Variants in ITCH observed in about 807,000 individuals in gnomAD.
The protein encoded by ITCH is itchy E3 ubiquitin protein ligase.
ITCH carries 28 observed loss-of-function variants against 126.8 expected under a neutral mutation model. The ratio of observed to expected loss-of-function variants is 0.22; its 90% CI spans 0.16 to 0.30. ITCH has a LOEUF of 0.30. ITCH is among the 10% of genes least tolerant of loss of function. ITCH has a pLI of 1.00. For synonymous variants in ITCH, 342 were observed against 340.0 expected (o/e 1.01, Z -0.06); for missense variants, 631 against 1,032.4 (o/e 0.61, Z 5.33).
At chr20:34,447,199 C>T (rs1190937228) in intron 11 of ITCH, among the ~76,000 whole-genome samples, 3 of 147,824 alleles carry the variant, frequency 2.0e-5, no homozygotes, top group African/African-American at 7.5e-5. Flanking sequence ...TTAAGTACAG[C>T]TTCTCCTTCA....
intron 2 of ITCH, among the ~76,000 whole-genome samples, chr20:34,385,699 C>T (rs140805786): frequency 6.6e-6 from 1 of 152,210 alleles, no homozygotes; most frequent in Non-Finnish European, 1.5e-5. Flanking sequence ...TGTTGAACCT[C>T]GAAAGTTGTA....
At chr20:34,391,553 A>C (rs1447362024) in intron 2 of ITCH, among the ~76,000 whole-genome samples, 1 of 152,212 alleles carries the variant, frequency 6.6e-6, no homozygotes. Flanking sequence ...ATGTGATTTA[A>C]TATATGAATA....
intron 2 of ITCH, among the ~76,000 whole-genome samples, chr20:34,390,273 A>G (rs1314063848): frequency 6.6e-6 from 1 of 152,102 alleles, no homozygotes; most frequent in Non-Finnish European, 1.5e-5. Flanking sequence ...GATTATCTAC[A>G]TTTATGGATG....
At chr20:34,481,031 G>C in intron 19 of ITCH, 35 bp from the exon 20 acceptor site, 4 of 1,605,014 alleles carry the variant, frequency 2.5e-6, no homozygotes, top group Non-Finnish European at 3.4e-6. Flanking sequence ...TTGAATTGGT[G>C]GATATAACAA....
intron 4 of ITCH, 61 bp from the exon 5 acceptor site, chr20:34,412,454 T>G: frequency 7.8e-7 from 1 of 1,274,360 alleles, no homozygotes; most frequent in Non-Finnish European, 1.1e-6. Context: ...TGTAATTTAT[T>G]TAGGATCTCA....
At chr20:34,444,450 A>T (rs1234365202) in intron 10 of ITCH, among the ~76,000 whole-genome samples, 1 of 152,022 alleles carries the variant, frequency 6.6e-6, no homozygotes, top group African/African-American at 2.4e-5. Context: ...AAGTGTGATG[A>T]CGCATGCCTG....
At chr20:34,402,697 T>A in intron 3 of ITCH, 1 of 486,530 alleles carries the variant, frequency 2.1e-6, no homozygotes, top group Non-Finnish European at 3.9e-6. Context: ...TTGTCTGCAT[T>A]GCTGAAATAG....
At chr20:34,428,408 C>T (rs1226225828) in intron 7 of ITCH, among the ~76,000 whole-genome samples, 1 of 152,128 alleles carries the variant, frequency 6.6e-6, no homozygotes, top group Non-Finnish European at 1.5e-5. Context: ...AATTCAAGCA[C>T]TGTCTGTATC....
At chr20:34,428,665 ATC>A (rs2146239560) in intron 7 of ITCH, among the ~76,000 whole-genome samples, 1 of 151,912 alleles carries the variant, frequency 6.6e-6, no homozygotes, top group African/African-American at 2.4e-5. Flanking sequence ...CATTTGCCCT[ATC>A]TCGGCCTCCC....
At chr20:34,406,723 A>G (rs1456188383) in intron 3 of ITCH, among the ~76,000 whole-genome samples, 1 of 151,874 alleles carries the variant, frequency 6.6e-6, no homozygotes, top group African/African-American at 2.4e-5. Context: ...TTTAGTAGAG[A>G]CAGGGTTTCA....
chr20:34,384,867 T>C (rs1314236758), intron 2 of ITCH, among the ~76,000 whole-genome samples: 1 of 151,920 alleles, frequency 6.6e-6, no homozygotes, highest in East Asian at 1.9e-4. Flanking sequence ...TTTCACCGTG[T>C]TAGCCAGGTT....
rs567337563 is a variant in ITCH, at chr20:34,508,576, C to G, written c.*782C>G. ...CTGTAATCCTAGCACTCTGGGAGGCCGAGGCAGGAGGATCCCTTTAGCCCA... is the reference window on the plus strand; with the variant it reads ...CTGTAATCCTAGCACTCTGGGAGGCGGAGGCAGGAGGATCCCTTTAGCCCA... On this transcript the variant is annotated 3_prime_UTR_variant, in exon 25 of 25. Coordinates refer to ENST00000374864, the MANE Select transcript of ITCH (RefSeq NM_031483.7). 3 of 152,118 alleles carry G rather than the reference C, an allele frequency of 2.0e-5. No individual in the cohort carries two copies. Among genetic ancestry groups the G allele is most frequent in the Admixed American group, 2.0e-4 (3 of 15,264 alleles). The allele number at this position is 152,118 out of a possible 1,614,324, so 9.4% of individuals were successfully genotyped here. A position where few individuals can be genotyped will look rare whatever the true frequency, so the allele number is the denominator to read the frequency against.
intron 2 of ITCH, among the ~76,000 whole-genome samples, chr20:34,380,423 G>A (rs2038013004): frequency 6.6e-6 from 1 of 152,056 alleles, no homozygotes; most frequent in Non-Finnish European, 1.5e-5. Flanking sequence ...CTATGCTAGA[G>A]ATACTAGTTT....
At chr20:34,365,887 A>G (rs2037404076) in intron 1 of ITCH, among the ~76,000 whole-genome samples, 1 of 152,170 alleles carries the variant, frequency 6.6e-6, no homozygotes, top group Non-Finnish European at 1.5e-5. Flanking sequence ...TGCCTTAGGT[A>G]ATTCTGATGG....
At chr20:34,397,482 AG>A (rs1182948745) in intron 3 of ITCH, among the ~76,000 whole-genome samples, 1 of 152,176 alleles carries the variant, frequency 6.6e-6, no homozygotes, top group Non-Finnish European at 1.5e-5. Context: ...CCTGTATTTT[AG>A]TTTCAACTAT....
chr20:34,406,094 T>G (rs112809226), intron 3 of ITCH, among the ~76,000 whole-genome samples: 332 of 152,054 alleles, frequency 2.2e-3, no homozygotes, highest in African/African-American at 6.2e-3. Flanking sequence ...CAATCACAGC[T>G]CACTGCAGCC....
chr20:34,371,167 C>CAAA (rs1213462396), intron 2 of ITCH, among the ~76,000 whole-genome samples: 4 of 58,560 alleles, frequency 6.8e-5, no homozygotes, highest in Admixed American at 1.8e-4. Context: ...GACTCCGTCT[C>CAAA]AAAAAAAAAA....
chr20:34,433,742 C>T (rs1032935362), intron 7 of ITCH, among the ~76,000 whole-genome samples: 1 of 151,070 alleles, frequency 6.6e-6, no homozygotes, highest in Non-Finnish European at 1.5e-5. Flanking sequence ...TGCAGTCATT[C>T]AAAATGATTT....
At chr20:34,505,900 T>C (rs915558478) in intron 24 of ITCH, among the ~76,000 whole-genome samples, 1 of 152,216 alleles carries the variant, frequency 6.6e-6, no homozygotes, top group African/African-American at 2.4e-5. Context: ...TAGCATGTTT[T>C]CAAGGTTCAT....
Sources: allele counts gnomAD v4.1 joint callset (sites outside exome capture counted in the v4.1 genomes callset), GRCh38; gene constraint gnomAD v4.1.1; transcripts MANE v1.5; gene names NCBI Gene and HGNC (gene_info 2026-07-23, HGNC 2026-07-21).